RABEP1: variants seen among roughly 807,000 people sequenced by gnomAD.
RABEP1 encodes rab GTPase-binding effector protein 1.
Under a neutral mutation model 123.4 loss-of-function variants are expected in RABEP1, and 51 were observed. The ratio of observed to expected loss-of-function variants is 0.41; its 90% CI spans 0.33 to 0.52. RABEP1 has a LOEUF of 0.52. Ranked by LOEUF, RABEP1 falls within the 20% of genes least tolerant of loss-of-function variation. RABEP1 has a pLI of 0.16. For missense variants in RABEP1, 888 were observed against 996.3 expected (o/e 0.89, Z 1.46); for synonymous variants, 347 against 355.2 (o/e 0.98, Z 0.26).
intron 1 of RABEP1, among the ~76,000 whole-genome samples, chr17:5,308,389 C>T (rs1295758011): frequency 6.6e-6 from 1 of 152,086 alleles, no homozygotes; most frequent in Non-Finnish European, 1.5e-5. Context: ...CTACACCTGG[C>T]TAATTTTTGT....
rs548903368 is a variant in RABEP1, at chr17:5,287,139, T to G, written c.34+4619T>G. ...ATATGAGGTCAGAGAGGTAACGAGG[T>G]GGAGGCAGATCTTCTTGGGCCCTAG... On this transcript the variant is annotated intron_variant, in intron 1 of 17. Transcript: ENST00000537505. Among the ~76,000 whole-genome samples the G allele has an allele frequency of 3.3e-5, 5 of 152,200 alleles. No homozygotes were observed. In the South Asian group the frequency reaches 1.0e-3, roughly 32 times the overall value.
At chr17:5,303,812 C>G (rs549302951) in intron 1 of RABEP1, among the ~76,000 whole-genome samples, 1 of 152,164 alleles carries the variant, frequency 6.6e-6, no homozygotes, top group East Asian at 1.9e-4. Flanking sequence ...GCGGGCAGAT[C>G]ACTTGAGGTC....
chr17:5,375,251 C>G (rs1910898839), intron 13 of RABEP1, among the ~76,000 whole-genome samples: 1 of 152,030 alleles, frequency 6.6e-6, no homozygotes, highest in Non-Finnish European at 1.5e-5. Flanking sequence ...TTTATTTCAT[C>G]ATTTACAAAA....
chr17:5,331,548 C>G (rs1906547434), intron 2 of RABEP1, among the ~76,000 whole-genome samples: 1 of 152,152 alleles, frequency 6.6e-6, no homozygotes, highest in South Asian at 2.1e-4. Flanking sequence ...GCTTTCTTTT[C>G]TCTTTTATTA....
At chr17:5,368,005 C>T (rs1910219085) in intron 11 of RABEP1, among the ~76,000 whole-genome samples, 1 of 151,900 alleles carries the variant, frequency 6.6e-6, no homozygotes, top group African/African-American at 2.4e-5. Flanking sequence ...GATCTGCCCG[C>T]CTCAGCCTCC....
chr17:5,341,375 T>G, intron 5 of RABEP1, among the ~76,000 whole-genome samples: 1 of 152,182 alleles, frequency 6.6e-6, no homozygotes. Flanking sequence ...AAATTTCTAA[T>G]AAAAGATAAT....
At chr17:5,378,477 G>T in intron 15 of RABEP1, 2 of 584,192 alleles carry the variant, frequency 3.4e-6, no homozygotes, top group Non-Finnish European at 3.1e-6. Context: ...GGAGTTTCCA[G>T]TGTAGTGAGA....
intron 12 of RABEP1, among the ~76,000 whole-genome samples, chr17:5,369,758 T>A (rs1910376991): frequency 6.6e-6 from 1 of 151,914 alleles, no homozygotes; most frequent in Non-Finnish European, 1.5e-5. Context: ...TGGAGTGTAA[T>A]GGCGCAATCT....
chr17:5,297,016 GC>G (rs36036502), intron 1 of RABEP1, among the ~76,000 whole-genome samples: 18,839 of 152,190 alleles, frequency 0.12, 1,800 homozygotes, highest in East Asian at 0.47. Context: ...GGGATTACAG[GC>G]GTGAGCCACT....
intron 17 of RABEP1, 60 bp downstream of exon 17, chr17:5,381,565 GCCGAT>G: frequency 6.4e-7 from 1 of 1,558,950 alleles, no homozygotes; most frequent in South Asian, 1.3e-5. Context: ...ACAGAACCTT[GCCGAT>G]CCCTGACTTG....
In RABEP1 at chr17:5,384,308, ACAGGTCT is replaced by A. The variant is rs1597307720; in HGVS notation, c.*1086_*1092del. The stretch of plus-strand genomic sequence containing the variant: ...CCTGTGTGAAGAAAGCCTCAGTGAA[ACAGGTCT>A]TTGCCATAACTTTATGAAGTGCTAC... On this transcript the variant is annotated 3_prime_UTR_variant, in exon 18 of 18. Transcript: ENST00000537505. The A allele has an allele frequency of 4.7e-6, 1 of 213,976 alleles. No individual in the cohort carries two copies. The highest frequency in any genetic ancestry group is 7.1e-5 in the East Asian group (1 of 14,170). 13.3% of individuals were successfully genotyped at this position (213,976 alleles called of 1,614,324 possible).
chr17:5,307,084 C>T (rs529896548), intron 1 of RABEP1, among the ~76,000 whole-genome samples: 2 of 152,186 alleles, frequency 1.3e-5, no homozygotes, highest in South Asian at 4.1e-4. Context: ...TTTGGGAGGC[C>T]GAGGTGGGTG....
At chr17:5,294,257 G>A (rs889828521) in intron 1 of RABEP1, among the ~76,000 whole-genome samples, 4 of 152,062 alleles carry the variant, frequency 2.6e-5, no homozygotes, top group Admixed American at 6.6e-5. Context: ...GGTGACACGC[G>A]TTTGTAATCC....
intron 1 of RABEP1, among the ~76,000 whole-genome samples, chr17:5,283,437 C>T (rs958777852): frequency 6.6e-6 from 1 of 152,150 alleles, no homozygotes; most frequent in Non-Finnish European, 1.5e-5. Flanking sequence ...CTAAGCTGTG[C>T]TTCACAGATT....
chr17:5,353,340 A>C (rs1400010298), intron 7 of RABEP1, among the ~76,000 whole-genome samples: 1 of 152,212 alleles, frequency 6.6e-6, no homozygotes, highest in East Asian at 1.9e-4. Flanking sequence ...TGGTTCCTTC[A>C]GATGAAATCA....
At chr17:5,339,419 G>A (rs139030436) in intron 5 of RABEP1, among the ~76,000 whole-genome samples, 472 of 152,244 alleles carry the variant, frequency 3.1e-3, no homozygotes, top group Middle Eastern at 0.01. Flanking sequence ...TGAGATGGGA[G>A]AATTACTTCA....
At chr17:5,335,120 T>A (rs1224689821) in intron 3 of RABEP1, 64 bp from the exon 4 acceptor site, 13 of 1,398,752 alleles carry the variant, frequency 9.3e-6, no homozygotes, top group Non-Finnish European at 1.2e-5. Flanking sequence ...TTAAAAAATT[T>A]AGTGTGCCAG....
At chr17:5,368,069 T>TA (rs1428233839) in intron 11 of RABEP1, among the ~76,000 whole-genome samples, 2 of 152,084 alleles carry the variant, frequency 1.3e-5, no homozygotes, top group Non-Finnish European at 2.9e-5. Context: ...ATTTTTTTTT[T>TA]AAACATCTTT....
At chr17:5,318,909 T>C (rs2075324484) in intron 2 of RABEP1, among the ~76,000 whole-genome samples, 1 of 152,206 alleles carries the variant, frequency 6.6e-6, no homozygotes, top group Non-Finnish European at 1.5e-5. Context: ...CATTCAAAAA[T>C]CAATGTGTAA....
Sources: gnomAD v4.1 joint callset for allele counts (sites outside exome capture counted in the v4.1 genomes callset) on GRCh38, gnomAD v4.1.1 for gene constraint, MANE v1.5 for transcripts, NCBI Gene and HGNC (gene_info 2026-07-23, HGNC 2026-07-21) for gene names.